Variants in NIPBL observed in about 807,000 individuals in gnomAD.
NIPBL encodes the protein NIPBL cohesin loading factor, also known as nipped-B-like protein.
NIPBL carries 19 observed loss-of-function variants against 321.8 expected under a neutral mutation model. The ratio of observed to expected loss-of-function variants is 0.06; its 90% CI spans 0.04 to 0.09. The LOEUF is 0.09. NIPBL is among the 10% of genes least tolerant of loss of function. The pLI is 1.00. For missense variants in NIPBL, 2,210 were observed against 3,327.0 expected (o/e 0.66, Z 8.26); for synonymous variants, 1,106 against 1,114.1 (o/e 0.99, Z 0.14).
At chr5:36,922,373 C>T (rs1404681130) in intron 1 of NIPBL, among the ~76,000 whole-genome samples, 2 of 151,946 alleles carry the variant, frequency 1.3e-5, no homozygotes, top group African/African-American at 2.4e-5. Flanking sequence ...TCATGCTATT[C>T]ATAGTATAGG....
chr5:37,040,845 T>C, intron 34 of NIPBL, among the ~76,000 whole-genome samples: 1 of 152,212 alleles, frequency 6.6e-6, no homozygotes, highest in Non-Finnish European at 1.5e-5. Context: ...TGTCATTATT[T>C]AGTATTCTTT....
In NIPBL at chr5:36,948,260, C is replaced by T. The variant is rs158791; in HGVS notation, c.-79-5358C>T. The stretch of plus-strand genomic sequence containing the variant: ...CATAAGATAAATATTAATTGGATGC[C>T]TCATGAAGGACTAAATATTTTAGAA... On this transcript the variant is annotated intron_variant, in intron 1 of 46. Transcript: ENST00000282516. 4.6e-5 allele frequency among the ~76,000 whole-genome samples: 7 copies of T among 151,762 alleles called. No homozygotes were observed. In the East Asian group the frequency reaches 1.4e-3, roughly 29 times the overall value.
chr5:36,886,009 G>A (rs1745875899), intron 1 of NIPBL: 17 of 721,150 alleles, frequency 2.4e-5, no homozygotes, highest in South Asian at 1.9e-4. Context: ...AGCTAGACAA[G>A]TACTGGTCTC....
In NIPBL at chr5:36,957,983, CAA is replaced by C. The variant is rs141750225; in HGVS notation, c.231-104_231-103del. On this transcript the variant is annotated intron_variant, in intron 3 of 46. Coordinates refer to ENST00000282516, the MANE Select transcript of NIPBL (RefSeq NM_133433.4). ...GGGGGACAAGAGTGAGACTTCGTCT[CAA>C]AAAAAAAAAAAAAAAATTCATATTG... is the stretch of plus-strand genomic sequence containing the variant. 282,053 of 740,890 alleles carry C rather than the reference CAA, an allele frequency of 0.38. 26,536 individuals are homozygous for C. The highest frequency in any genetic ancestry group is 0.7 in the African/African-American group (36,704 of 52,064). 45.9% of individuals were successfully genotyped at this position (740,890 alleles called of 1,614,324 possible).
chr5:36,918,243 C>T (rs1398000754), intron 1 of NIPBL, among the ~76,000 whole-genome samples: 1 of 152,066 alleles, frequency 6.6e-6, no homozygotes, highest in African/African-American at 2.4e-5. Flanking sequence ...CCTTCACATC[C>T]CTTTTAAGTT....
intron 30 of NIPBL, among the ~76,000 whole-genome samples, chr5:37,025,116 A>T (rs1750107786): frequency 6.6e-6 from 1 of 152,184 alleles, no homozygotes; most frequent in African/African-American, 2.4e-5. Context: ...CACCAAACAT[A>T]GTAGAGCATG....
At chr5:36,887,097 C>T (rs1454397871) in intron 1 of NIPBL, among the ~76,000 whole-genome samples, 8 of 152,008 alleles carry the variant, frequency 5.3e-5, no homozygotes, top group African/African-American at 1.9e-4. Flanking sequence ...CCCCTCGACC[C>T]CCAAATTTTA....
intron 45 of NIPBL, among the ~76,000 whole-genome samples, chr5:37,061,721 C>T (rs1754694800): frequency 6.6e-6 from 1 of 152,208 alleles, no homozygotes; most frequent in Non-Finnish European, 1.5e-5. Context: ...ATATAACCTA[C>T]ATACATCCTC....
intron 1 of NIPBL, among the ~76,000 whole-genome samples, chr5:36,928,368 C>A (rs1480893632): frequency 6.6e-6 from 1 of 152,136 alleles, no homozygotes; most frequent in Non-Finnish European, 1.5e-5. Flanking sequence ...CTAATTAATA[C>A]AACCAAATCA....
rs1744601505 is a variant in NIPBL, at chr5:36,985,130, A to G, written c.1950A>G (p.Glu650=). 1.2e-6 allele frequency: 2 copies of G among 1,613,960 alleles called. No homozygotes were observed. The highest frequency in any genetic ancestry group is 1.7e-6 in the Non-Finnish European group (2 of 1,179,956). ...CTAAAGTTGAGACCCAAACAGAAGA[A>G]CTTAAACAGAATGAGAGCAGAACAA... is the stretch of plus-strand genomic sequence containing the variant. ...LETKVETQTE[E]LKQNESRTTE... is the part of the protein sequence containing the mutation. Residue 650 remains glutamate (E), a synonymous_variant, in exon 10 of 47, where the codon GAA becomes GAG. Transcript: ENST00000282516.
chr5:37,058,757 A>G lies in NIPBL; in HGVS notation c.7411-134A>G, dbSNP rs1754359743. 4 of 695,578 alleles carry G rather than the reference A, an allele frequency of 5.8e-6. No individual in the cohort carries two copies. The Admixed American group carries it at 1.2e-4, about 20-fold the overall frequency. 43.1% of individuals were successfully genotyped at this position (695,578 alleles called of 1,614,324 possible). A position where few individuals can be genotyped will look rare whatever the true frequency, so the allele number is the denominator to read the frequency against. On this transcript the variant is annotated intron_variant, in intron 43 of 46. Transcript: ENST00000282516. ...AACTATCCCCTAAGATTACATATCC[A>G]GTTGTTGATATAAAGTCAAGAGGTT...
chr5:36,915,129 A>C (rs1359198189), intron 1 of NIPBL, among the ~76,000 whole-genome samples: 1 of 152,090 alleles, frequency 6.6e-6, no homozygotes, highest in Non-Finnish European at 1.5e-5. Context: ...AAAGGTATAA[A>C]TTCTAATGTA....
chr5:36,931,847 T>C (rs927824229), intron 1 of NIPBL, among the ~76,000 whole-genome samples: 1 of 151,966 alleles, frequency 6.6e-6, no homozygotes, highest in African/African-American at 2.4e-5. Context: ...CTGTTTTTGA[T>C]TTTGTTTACA....
At chr5:36,928,757 T>C (rs1280189620) in intron 1 of NIPBL, among the ~76,000 whole-genome samples, 1 of 152,176 alleles carries the variant, frequency 6.6e-6, no homozygotes, top group Non-Finnish European at 1.5e-5. Flanking sequence ...ACATTTCATC[T>C]AAAAAGAATT....
At chr5:36,982,973 A>C (rs1037646733) in intron 9 of NIPBL, among the ~76,000 whole-genome samples, 1 of 151,976 alleles carries the variant, frequency 6.6e-6, no homozygotes, top group African/African-American at 2.4e-5. Flanking sequence ...AGAGTCTTAT[A>C]AAAGTTTAAG....
chr5:36,975,158 G>A (rs1303028213), intron 8 of NIPBL, among the ~76,000 whole-genome samples: 1 of 151,978 alleles, frequency 6.6e-6, no homozygotes, highest in Non-Finnish European at 1.5e-5. Context: ...GCTGAAGAGA[G>A]TATGTGAATG....
rs768550843 is a variant in NIPBL, at chr5:36,958,173, G to A, written c.300G>A (p.Leu100=). ...GDIPVLLQAV[L]ARSPNVFREK... ...TACCAGTCTTGTTGCAGGCCGTCCTGGCAAGGAGTCCTAATGTTTTCAGGG... is the reference window on the plus strand; with the variant it reads ...TACCAGTCTTGTTGCAGGCCGTCCTAGCAAGGAGTCCTAATGTTTTCAGGG... Residue 100 remains leucine (L), a synonymous_variant, in exon 4 of 47, where the codon CTG becomes CTA. Coordinates refer to ENST00000282516, the MANE Select transcript of NIPBL (RefSeq NM_133433.4). The A allele has an allele frequency of 2.2e-5, 36 of 1,613,850 alleles. No homozygotes were observed. The highest frequency in any genetic ancestry group is 3.0e-5 in the Non-Finnish European group (35 of 1,179,944).
chr5:36,909,297 C>T (rs963568725), intron 1 of NIPBL, among the ~76,000 whole-genome samples: 1 of 152,126 alleles, frequency 6.6e-6, no homozygotes, highest in African/African-American at 2.4e-5. Context: ...AATTTCATGT[C>T]ATAGTGTTTA....
intron 16 of NIPBL, among the ~76,000 whole-genome samples, chr5:37,003,559 A>C (rs1407714984): frequency 6.6e-6 from 1 of 152,102 alleles, no homozygotes; most frequent in Non-Finnish European, 1.5e-5. Flanking sequence ...ATTAAGTTTT[A>C]TCTTAGGTAT....
Sources: gnomAD v4.1 joint callset for allele counts (sites outside exome capture counted in the v4.1 genomes callset) on GRCh38, gnomAD v4.1.1 for gene constraint, MANE v1.5 for transcripts, NCBI Gene and HGNC (gene_info 2026-07-23, HGNC 2026-07-21) for gene names.